Variants in MTSS1 observed in about 807,000 individuals in gnomAD.
The protein encoded by MTSS1 is protein MTSS 1.
Under a neutral mutation model 79.0 loss-of-function variants are expected in MTSS1, and 18 were observed. That is an observed-to-expected ratio of 0.23 (90% CI 0.16 to 0.34). The LOEUF is 0.34. Among genes scored for constraint, MTSS1 ranks in the 10% least tolerant of loss-of-function variants. The pLI is 1.00. For missense variants in MTSS1, 815 were observed against 986.2 expected (o/e 0.83, Z 2.33); for synonymous variants, 341 against 368.6 (o/e 0.93, Z 0.86).
At chr8:124,561,082 T>G (rs1825187808) in intron 10 of MTSS1, among the ~76,000 whole-genome samples, 3 of 152,240 alleles carry the variant, frequency 2.0e-5, no homozygotes, top group Admixed American at 1.3e-4. Flanking sequence ...TCGTAATGCC[T>G]TTCTTAAAAA....
At chr8:124,587,404 T>C (rs537801796) in intron 5 of MTSS1, among the ~76,000 whole-genome samples, 138 of 152,374 alleles carry the variant, frequency 9.1e-4, no homozygotes, top group African/African-American at 3.0e-3. Flanking sequence ...AGAAAATTCA[T>C]GATGTGATTA....
chr8:124,695,330 A>G (rs1828619404), intron 3 of MTSS1, among the ~76,000 whole-genome samples: 1 of 130,118 alleles, frequency 7.7e-6, no homozygotes, highest in African/African-American at 3.2e-5. Context: ...TTCCATCAAG[A>G]GGGATAAAAA....
At chr8:124,613,971 G>A (rs945701590) in intron 3 of MTSS1, among the ~76,000 whole-genome samples, 1 of 152,084 alleles carries the variant, frequency 6.6e-6, no homozygotes, top group Non-Finnish European at 1.5e-5. Context: ...AGACCAGCTT[G>A]GACAACACAG....
chr8:124,615,905 C>A (rs1388528777), intron 3 of MTSS1, among the ~76,000 whole-genome samples: 1 of 152,090 alleles, frequency 6.6e-6, no homozygotes, highest in Non-Finnish European at 1.5e-5. Context: ...CTGAGGCCAG[C>A]ACCCTTCTCC....
chr8:124,580,665 T>G, intron 6 of MTSS1: 3 of 1,376,622 alleles, frequency 2.2e-6, no homozygotes, highest in Non-Finnish European at 3.0e-6. Flanking sequence ...GTCTTACCTT[T>G]GTTTCATGTG....
Position 124,591,154 on chromosome 8 carries a change from G to A in MTSS1, c.290C>T (p.Ser97Leu). ...RSIEAKLRQF[S>L]SALIDCLINP... ...GGGGCCAAAACATGCTCCTCACCTC[G>A]AAAACTGCCTCAGCTTGGCTTCAAT... The change falls in exon 4 of 14, where the codon TCG becomes TTG. Residue 97 changes from serine (S) to leucine (L), a missense_variant. Around this residue, in one of 2 missense-constraint regions of MTSS1, gnomAD observed 225 missense variants for 365.4 expected, o/e 0.62. Coordinates refer to ENST00000518547, the MANE Select transcript of MTSS1 (RefSeq NM_014751.6). The A allele has an allele frequency of 1.9e-6, 3 of 1,614,110 alleles. No individual in the cohort carries two copies. Among genetic ancestry groups the A allele is most frequent in the Non-Finnish European group, 2.5e-6 (3 of 1,179,986 alleles).
intron 3 of MTSS1, among the ~76,000 whole-genome samples, chr8:124,665,796 G>A (rs1293941988): frequency 6.6e-6 from 1 of 151,954 alleles, no homozygotes; most frequent in African/African-American, 2.4e-5. Context: ...GAACCCCGGA[G>A]GCGGAGGTTG....
At chr8:124,721,419 T>TTTTC (rs1832912706) in intron 1 of MTSS1, among the ~76,000 whole-genome samples, 2 of 99,882 alleles carry the variant, frequency 2.0e-5, no homozygotes, top group Admixed American at 9.3e-5. Flanking sequence ...TAATTTTTTT[T>TTTTC]TTTTTTTTTG....
chr8:124,705,633 T>C (rs899546780), intron 1 of MTSS1, among the ~76,000 whole-genome samples: 7 of 152,306 alleles, frequency 4.6e-5, no homozygotes, highest in African/African-American at 1.7e-4. Context: ...AGGAAAAAAT[T>C]ATAATGAGGT....
intron 5 of MTSS1, among the ~76,000 whole-genome samples, chr8:124,586,428 G>A (rs1830862994): frequency 6.6e-6 from 1 of 152,108 alleles, no homozygotes; most frequent in Non-Finnish European, 1.5e-5. Flanking sequence ...CCTCCAAATG[G>A]TGCCTCATTT....
chr8:124,604,580 A>G (rs1489023114), intron 3 of MTSS1, among the ~76,000 whole-genome samples: 1 of 152,214 alleles, frequency 6.6e-6, no homozygotes, highest in Non-Finnish European at 1.5e-5. Context: ...AAACATGCAG[A>G]AAATTTCCTG....
At position 124,728,123 on chromosome 8, in the gene MTSS1, C is replaced by A; in HGVS notation, c.-168G>T. 6 of 541,880 alleles carry A rather than the reference C, an allele frequency of 1.1e-5. No individual in the cohort carries two copies. Among genetic ancestry groups the A allele is most frequent in the Admixed American group, 3.7e-5 (1 of 26,762 alleles). The allele number at this position is 541,880 out of a possible 1,614,324, so 33.6% of individuals were successfully genotyped here. A position where few individuals can be genotyped will look rare whatever the true frequency, so the allele number is the denominator to read the frequency against. ...TGCACCAGACCGACTGTTCTCTGCC[C>A]AAAATAATAACAGTAATTTAAAAAG... On this transcript the variant is annotated 5_prime_UTR_variant, in exon 1 of 14. Transcript: ENST00000518547. The surrounding 1 kb of genome is among the most constrained non-coding windows in gnomAD (Gnocchi z 6.1).
chr8:124,675,467 A>T (rs1825113352), intron 3 of MTSS1, among the ~76,000 whole-genome samples: 2 of 152,250 alleles, frequency 1.3e-5, no homozygotes, highest in East Asian at 3.8e-4. Flanking sequence ...AGTGACATTG[A>T]TGCAGATTAT....
At chr8:124,603,451 A>T (rs1834274989) in intron 3 of MTSS1, among the ~76,000 whole-genome samples, 1 of 152,254 alleles carries the variant, frequency 6.6e-6, no homozygotes, top group South Asian at 2.1e-4. Context: ...TTTATGAGGC[A>T]GCTGGCCCCT....
chr8:124,684,784 T>TCA (rs1826689630), intron 3 of MTSS1, among the ~76,000 whole-genome samples: 1 of 152,114 alleles, frequency 6.6e-6, no homozygotes, highest in Non-Finnish European at 1.5e-5. Context: ...GAAAACCCCT[T>TCA]GAAAAAACAC....
At position 124,565,913 on chromosome 8, in the gene MTSS1, C is replaced by G. The variant is rs149593202; in HGVS notation, c.727-154G>C. The G allele has an allele frequency of 6.9e-3, 3,793 of 553,680 alleles. 50 individuals carry two copies. Among genetic ancestry groups the G allele is most frequent in the South Asian group, 0.027 (1,134 of 42,690 alleles). The allele number at this position is 553,680 out of a possible 1,614,324, so 34.3% of individuals were successfully genotyped here. ...AAAAAATTTTTTTTAAATTGAAGAGCCACAGTACCAAATCCATCAATATCA... is the reference window on the plus strand; with the variant it reads ...AAAAAATTTTTTTTAAATTGAAGAGGCACAGTACCAAATCCATCAATATCA... On this transcript the variant is annotated intron_variant, in intron 8 of 13. Transcript: ENST00000518547.
chr8:124,705,007 C>A (rs182117668), intron 1 of MTSS1, among the ~76,000 whole-genome samples: 1 of 152,272 alleles, frequency 6.6e-6, no homozygotes, highest in Admixed American at 6.5e-5. Flanking sequence ...CTCAAATCTG[C>A]AGGTGCAAGT....
At chr8:124,611,327 T>A (rs931800711) in intron 3 of MTSS1, among the ~76,000 whole-genome samples, 1 of 152,212 alleles carries the variant, frequency 6.6e-6, no homozygotes, top group Admixed American at 6.5e-5. Flanking sequence ...CAAAAGTGGA[T>A]ACAAGCCCCA....
chr8:124,603,434 C>A (rs1475718755), intron 3 of MTSS1, among the ~76,000 whole-genome samples: 1 of 152,242 alleles, frequency 6.6e-6, no homozygotes, highest in East Asian at 1.9e-4. Context: ...GTTCTTTAAG[C>A]TGCACATTTA....
Sources: gnomAD v4.1 joint callset for allele counts (sites outside exome capture counted in the v4.1 genomes callset) on GRCh38, gnomAD v4.1.1 for gene constraint, gnomAD v4.1.1 regional missense constraint, Gnocchi (gnomAD v3.1) non-coding constraint, MANE v1.5 for transcripts, NCBI Gene and HGNC (gene_info 2026-07-23, HGNC 2026-07-21) for gene names.